The following CHST9 variants were observed in gnomAD, a reference collection of about 807,000 sequenced individuals.
CHST9 encodes GalNAc-4-sulfotransferase 2.
CHST9 carries 41 observed loss-of-function variants against 44.4 expected under a neutral mutation model. The observed-to-expected ratio is 0.92, with a 90% CI of 0.72 to 1.20. The LOEUF (loss-of-function observed/expected upper bound fraction) is 1.20. Ranked by LOEUF, CHST9 falls within the 50% of genes most tolerant of loss-of-function variation. The probability of loss-of-function intolerance (pLI) is 0.00; values close to 1 mark genes in which losing one functional copy is unlikely to be tolerated. For synonymous variants in CHST9, 171 were observed against 178.4 expected, an observed-to-expected ratio of 0.96 and a Z score of 0.33; for missense variants, 504 against 516.5, an observed-to-expected ratio of 0.98 and a Z score of 0.23.
At position 26,916,278 on chromosome 18, in the gene CHST9, T is replaced by A; in HGVS notation, c.1313A>T (p.Tyr438Phe). The A allele has an allele frequency of 6.4e-7, 1 of 1,572,088 alleles. No homozygotes were observed. The highest frequency in any genetic ancestry group is 8.7e-7 in the Non-Finnish European group (1 of 1,147,168). ...TGCAAACTACAAAAATGGAGTTGTA[T>A]AATTAAACATTAAATAGTCCAAGTA... is the stretch of plus-strand genomic sequence containing the variant. ...FYYLDYLMFN[Y>F]TTPFL is the part of the protein sequence containing the mutation. The change falls in exon 6 of 6, where the codon TAT becomes TTT. Residue 438 changes from tyrosine to phenylalanine, a missense_variant. Physicochemically the swap from Tyr to Phe is conservative, Grantham distance 22. Coordinates refer to ENST00000618847, the MANE Select transcript of CHST9 (RefSeq NM_031422.6).
In CHST9 at chr18:27,165,058, C is replaced by T. The variant is rs115632693; in HGVS notation, c.-97+20078G>A. On this transcript the variant is annotated intron_variant, in intron 1 of 5. Coordinates refer to ENST00000618847, the MANE Select transcript of CHST9 (RefSeq NM_031422.6). Reference sequence around the variant, plus strand: ...AAAGGAGAGAGAGAAAAGAAAATTTCGATTGGTTGGCAGGATAACAGCTGT... The same window carrying T: ...AAAGGAGAGAGAGAAAAGAAAATTTTGATTGGTTGGCAGGATAACAGCTGT... Among the ~76,000 whole-genome samples, 199 of 152,210 alleles carry T rather than the reference C, an allele frequency of 1.3e-3. 2 individuals are homozygous for T. Among genetic ancestry groups the T allele is most frequent in the African/African-American group, 4.5e-3 (186 of 41,532 alleles).
At chr18:27,184,191 T>C (rs963470278) in intron 1 of CHST9, among the ~76,000 whole-genome samples, 2 of 152,028 alleles carry the variant, frequency 1.3e-5, no homozygotes, top group African/African-American at 2.4e-5. Context: ...CACACACACA[T>C]TGTGTATTAT....
intron 2 of CHST9, among the ~76,000 whole-genome samples, chr18:27,139,986 G>A (rs1363632668): frequency 6.6e-6 from 1 of 152,080 alleles, no homozygotes; most frequent in Non-Finnish European, 1.5e-5. Context: ...GTTTTGGTTA[G>A]GAGACTCTTT....
intron 1 of CHST9, among the ~76,000 whole-genome samples, chr18:27,147,340 T>A (rs990867155): frequency 6.6e-6 from 1 of 152,160 alleles, no homozygotes. Context: ...GTGCTGGGAT[T>A]ACAGGTGTGA....
intron 2 of CHST9, among the ~76,000 whole-genome samples, chr18:27,053,876 T>G (rs2057618119): frequency 6.6e-6 from 1 of 152,180 alleles, no homozygotes; most frequent in Admixed American, 6.5e-5. Flanking sequence ...GCCAGTCCTC[T>G]GTGAAGTCTT....
At chr18:27,178,325 G>A (rs899269806) in intron 1 of CHST9, among the ~76,000 whole-genome samples, 4 of 151,910 alleles carry the variant, frequency 2.6e-5, no homozygotes, top group Admixed American at 1.3e-4. Context: ...CAAGTGCTGC[G>A]CTTACATTAA....
intron 2 of CHST9, among the ~76,000 whole-genome samples, chr18:27,053,192 A>AAGAAGAAGG (rs2057596871): frequency 7.2e-6 from 1 of 138,634 alleles, no homozygotes; most frequent in African/African-American, 2.7e-5. Flanking sequence ...GAAGAAGAAG[A>AAGAAGAAGG]AGAAAGAACA....
At chr18:27,012,997 G>A (rs992318959) in intron 4 of CHST9, among the ~76,000 whole-genome samples, 1 of 152,174 alleles carries the variant, frequency 6.6e-6, no homozygotes, top group African/African-American at 2.4e-5. Context: ...AGTGTACAGT[G>A]TCACCTCTGT....
intron 1 of CHST9, among the ~76,000 whole-genome samples, chr18:27,169,902 T>C (rs2058821547): frequency 6.6e-6 from 1 of 152,144 alleles, no homozygotes; most frequent in Non-Finnish European, 1.5e-5. Context: ...CCACTGCGCC[T>C]GGCCAGAAAA....
intron 4 of CHST9, among the ~76,000 whole-genome samples, chr18:26,986,343 A>G (rs1168691311): frequency 3.3e-5 from 5 of 152,114 alleles, no homozygotes; most frequent in Non-Finnish European, 5.9e-5. Flanking sequence ...ATATCAGATT[A>G]GACAAAGATT....
intron 1 of CHST9, among the ~76,000 whole-genome samples, chr18:27,181,168 C>A (rs1004364078): frequency 6.6e-6 from 1 of 152,144 alleles, no homozygotes; most frequent in African/African-American, 2.4e-5. Flanking sequence ...GCAGTTCTAA[C>A]CTTCCACACA....
chr18:27,065,908 G>C (rs527324749), intron 2 of CHST9, among the ~76,000 whole-genome samples: 2 of 152,276 alleles, frequency 1.3e-5, no homozygotes, highest in East Asian at 3.9e-4. Flanking sequence ...GGCCCATCTT[G>C]GGGTTGATAT....
chr18:27,047,771 C>T (rs1323376960), intron 3 of CHST9, among the ~76,000 whole-genome samples: 8 of 152,176 alleles, frequency 5.3e-5, no homozygotes, highest in Non-Finnish European at 8.8e-5. Flanking sequence ...GCCAAATTAG[C>T]GTTCTCTATG....
Position 26,909,148 on chromosome 18 carries a change from G to A in CHST9, c.*7111C>T, listed in dbSNP as rs1000788981. 3 of 152,210 alleles carry A rather than the reference G, an allele frequency of 2.0e-5. No individual in the cohort carries two copies. Among genetic ancestry groups the A allele is most frequent in the Non-Finnish European group, 4.4e-5 (3 of 68,040 alleles). 9.4% of individuals were successfully genotyped at this position (152,210 alleles called of 1,614,324 possible). A position where few individuals can be genotyped will look rare whatever the true frequency, so the allele number is the denominator to read the frequency against. On this transcript the variant is annotated 3_prime_UTR_variant, in exon 6 of 6. Transcript: ENST00000618847. ...TAGTTCTTGCACTTGGCAGACTTCG[G>A]ACGCCAAGTTTCTGCTTCAGTGCTG...
At chr18:27,112,058 A>C (rs1282233317) in intron 2 of CHST9, among the ~76,000 whole-genome samples, 1 of 150,148 alleles carries the variant, frequency 6.7e-6, no homozygotes, top group Non-Finnish European at 1.5e-5. Context: ...CTAAAAATAT[A>C]CATATAGATA....
chr18:26,958,151 G>A (rs1191163777), intron 4 of CHST9, among the ~76,000 whole-genome samples: 1 of 151,848 alleles, frequency 6.6e-6, no homozygotes, highest in African/African-American at 2.4e-5. Flanking sequence ...CTCCCAAAGT[G>A]CTGGGATTAC....
intron 1 of CHST9, among the ~76,000 whole-genome samples, chr18:27,166,898 G>T (rs977847894): frequency 1.3e-5 from 2 of 152,188 alleles, no homozygotes; most frequent in African/African-American, 4.8e-5. Flanking sequence ...AGTCAGTGAT[G>T]AACATATGTA....
At chr18:27,064,005 T>A (rs1259314542) in intron 2 of CHST9, among the ~76,000 whole-genome samples, 1 of 152,076 alleles carries the variant, frequency 6.6e-6, no homozygotes, top group Non-Finnish European at 1.5e-5. Flanking sequence ...TCCAGGGACA[T>A]CTAACAGGTA....
chr18:27,117,918 T>C (rs2058342767), intron 2 of CHST9, among the ~76,000 whole-genome samples: 1 of 152,236 alleles, frequency 6.6e-6, no homozygotes, highest in African/African-American at 2.4e-5. Context: ...CCAAGGAGCA[T>C]GATTGCTGTA....
Sources: allele counts gnomAD v4.1 joint callset (sites outside exome capture counted in the v4.1 genomes callset), GRCh38; gene constraint gnomAD v4.1.1; transcripts MANE v1.5; gene names NCBI Gene and HGNC (gene_info 2026-07-23, HGNC 2026-07-21).